Variants in DEF6 observed in about 807,000 individuals in gnomAD.
DEF6 encodes DEF6 guanine nucleotide exchange factor.
Under a neutral mutation model 80.5 loss-of-function variants are expected in DEF6, and 32 were observed. That is an observed-to-expected ratio of 0.40 (90% CI 0.30 to 0.53). DEF6 has a LOEUF of 0.53. Ranked by LOEUF, DEF6 falls within the 20% of genes least tolerant of loss-of-function variation. DEF6 has a pLI of 0.57. For missense variants in DEF6, 575 were observed against 818.7 expected (o/e 0.70, Z 3.63); for synonymous variants, 300 against 337.9 (o/e 0.89, Z 1.23).
Position 35,310,542 on chromosome 6 carries a change from C to G in DEF6, c.321C>G (p.Ser107Arg). 6.2e-7 allele frequency: 1 copy of G among 1,614,142 alleles called. No individual in the cohort carries two copies. The highest frequency in any genetic ancestry group is 8.5e-7 in the Non-Finnish European group (1 of 1,180,030). The change falls in exon 3 of 11, where the codon AGC (serine) becomes AGG (arginine). Residue 107 changes from serine (S) to arginine (R), a missense_variant. Ser to Arg is a moderately radical substitution (Grantham distance 110). Coordinates refer to ENST00000316637, the MANE Select transcript of DEF6 (RefSeq NM_022047.4). ...LTAKKNYRAD[S>R]NGNSMLSNQD... The stretch of plus-strand genomic sequence containing the variant: ...CCAAGAAGAACTATCGGGCAGATAG[C>G]AACGGGAACAGTATGCTCTCCAATC...
rs539923060 is a variant in DEF6, at chr6:35,297,993, C to G, written c.96+41C>G. Reference sequence around the variant, plus strand: ...GACCCGGGGGAGGACGGCAGATGCACCACACCAGCCCCTGCCGCCTGGGAG... The same window carrying G: ...GACCCGGGGGAGGACGGCAGATGCAGCACACCAGCCCCTGCCGCCTGGGAG... On this transcript the variant is annotated intron_variant, in intron 1 of 10. Transcript: ENST00000316637. 6.7e-6 allele frequency: 10 copies of G among 1,501,060 alleles called. No homozygotes were observed. In the East Asian group the frequency reaches 2.4e-4, roughly 36 times the overall value. The allele number at this position is 1,501,060 out of a possible 1,614,324, so 93.0% of individuals were successfully genotyped here.
At position 35,319,509 on chromosome 6, in the gene DEF6, C is replaced by CT; in HGVS notation, c.1216-14dup. 1 of 1,602,174 alleles carries CT rather than the reference C, an allele frequency of 6.2e-7. No homozygotes were observed. On this transcript the variant is annotated splice_polypyrimidine_tract_variant and intron_variant, in intron 7 of 10. Transcript: ENST00000316637. This position sits in a 1 kb window ranked among gnomAD's most constrained non-coding sequence, Gnocchi z 4.5. Reference sequence around the variant, plus strand: ...TTTGACCTGGCTCTTGGTCCACCACCTCCCCCCTCCACAGGCCCGGGCCTC... The same window carrying CT: ...TTTGACCTGGCTCTTGGTCCACCACCTTCCCCCCTCCACAGGCCCGGGCCTC...
intron 3 of DEF6, among the ~76,000 whole-genome samples, chr6:35,311,526 A>G (rs1465191267): frequency 6.6e-6 from 1 of 152,144 alleles, no homozygotes; most frequent in Non-Finnish European, 1.5e-5. Context: ...GAGTGTCCCA[A>G]AAAGCTGCTG....
chr6:35,314,088 C>T (rs577663149), intron 5 of DEF6, among the ~76,000 whole-genome samples: 2 of 152,290 alleles, frequency 1.3e-5, no homozygotes, highest in African/African-American at 4.8e-5. Context: ...CCTTTCTCCA[C>T]GTCTTCTCCA....
chr6:35,319,880 C>G lies in DEF6; in HGVS notation c.1444C>G (p.Arg482Gly). Reference sequence around the variant, plus strand: ...GATGCAGCTGAAGGAGGAGCAGGAGCGCTACATCGAACGGGCGCAGCAGGA... The same window carrying G: ...GATGCAGCTGAAGGAGGAGCAGGAGGGCTACATCGAACGGGCGCAGCAGGA... The part of the protein sequence containing the change: ...QLMQLKEEQE[R>G]YIERAQQEKE... Residue 482 changes from arginine (R) to glycine (G), a missense_variant, in exon 9 of 11, where the codon CGC (arginine) becomes GGC (glycine). Coordinates refer to ENST00000316637, the MANE Select transcript of DEF6 (RefSeq NM_022047.4). This position sits in a 1 kb window ranked among gnomAD's most constrained non-coding sequence, Gnocchi z 4.5. 1 of 1,582,906 alleles carries G rather than the reference C, an allele frequency of 6.3e-7. No individual in the cohort carries two copies. Among genetic ancestry groups the G allele is most frequent in the Non-Finnish European group, 8.6e-7 (1 of 1,164,582 alleles).
intron 1 of DEF6, 118 bp downstream of exon 1, chr6:35,298,070 G>C: frequency 3.2e-6 from 3 of 929,542 alleles, no homozygotes; most frequent in Non-Finnish European, 5.0e-6. Context: ...CCAGCGTCCC[G>C]GGCCTGGGGT....
rs2150388872 is a variant in DEF6 at position 35,318,348 on chromosome 6, G to A, written c.1092G>A (p.Leu364=). The change falls in exon 7 of 11, where the codon CTG becomes CTA. Residue 364 remains leucine (L), a synonymous_variant. Transcript: ENST00000316637. This position sits in a 1 kb window ranked among gnomAD's most constrained non-coding sequence, Gnocchi z 5.1. Reference sequence around the variant, plus strand: ...AGAAGGAGCGGAAGCTGCAGGAGCTGGAGCTGCTGCAGGAGGCGCAGCGGC... The same window carrying A: ...AGAAGGAGCGGAAGCTGCAGGAGCTAGAGCTGCTGCAGGAGGCGCAGCGGC... ...QEEKERKLQE[L]ELLQEAQRQA... is the part of the protein sequence containing the mutation. The A allele has an allele frequency of 1.3e-6, 2 of 1,543,786 alleles. No homozygotes were observed. Among genetic ancestry groups the A allele is most frequent in the Non-Finnish European group, 8.7e-7 (1 of 1,146,438 alleles).
Position 35,318,601 on chromosome 6 carries a change from T to C in DEF6, c.1215+130T>C. The C allele has an allele frequency of 1.1e-6, 1 of 878,846 alleles. No homozygotes were observed. Among genetic ancestry groups the C allele is most frequent in the Non-Finnish European group, 1.5e-6 (1 of 648,628 alleles). 54.4% of individuals were successfully genotyped at this position (878,846 alleles called of 1,614,324 possible). On this transcript the variant is annotated intron_variant, in intron 7 of 10. Transcript: ENST00000316637. The surrounding 1 kb of genome is among the most constrained non-coding windows in gnomAD (Gnocchi z 5.1). ...TGAGGGGCGTGCACTGGGGTGGAGC[T>C]TGAAATGAGGGATTGTTGGGACAGA...
chr6:35,306,823 A>G (rs1457981565), intron 1 of DEF6, among the ~76,000 whole-genome samples: 2 of 152,252 alleles, frequency 1.3e-5, no homozygotes, highest in African/African-American at 2.4e-5. Context: ...TAAGCAGTGC[A>G]CTATGCACCA....
chr6:35,321,375 C>T lies in DEF6; in HGVS notation c.1861C>T (p.Gln621Ter), dbSNP rs144407329. 12 of 1,613,978 alleles carry T rather than the reference C, an allele frequency of 7.4e-6. No homozygotes were observed. In the African/African-American group the frequency reaches 1.6e-4, roughly 22 times the overall value. The change falls in exon 11 of 11, where the codon CAG (glutamine) becomes TAG (stop). Residue 621 changes from glutamine (Q) to a stop codon, truncating the protein, a stop_gained. Coordinates refer to ENST00000316637, the MANE Select transcript of DEF6 (RefSeq NM_022047.4). LOFTEE classifies it high-confidence loss of function. ...GGCTCCTGCCCCGGCTTCCACCCCT[C>T]AGGAAGATAAACTGGATCCAGCACC... ...DEAPAPASTP[Q>*]EDKLDPAPEN is the part of the protein sequence containing the mutation.
intron 5 of DEF6, among the ~76,000 whole-genome samples, chr6:35,316,821 C>T (rs1270051018): frequency 3.9e-5 from 6 of 152,162 alleles, no homozygotes; most frequent in African/African-American, 1.4e-4. Flanking sequence ...ATTTCCAAAA[C>T]TTTTTCATCA....
At chr6:35,314,150 G>A (rs926838269) in intron 5 of DEF6, among the ~76,000 whole-genome samples, 118 of 152,282 alleles carry the variant, frequency 7.7e-4, no homozygotes, top group African/African-American at 2.7e-3. Context: ...GCTCATGCCT[G>A]TAATCCCAGC....
At chr6:35,317,714 T>C in intron 5 of DEF6, 177 bp from the exon 6 acceptor site, 1 of 569,268 alleles carries the variant, frequency 1.8e-6, no homozygotes, top group Non-Finnish European at 3.1e-6. Context: ...GGCTACAGAG[T>C]TGTGGGGACT....
intron 2 of DEF6, among the ~76,000 whole-genome samples, chr6:35,310,226 CTA>C (rs1791445527): frequency 6.6e-6 from 1 of 152,160 alleles, no homozygotes; most frequent in Admixed American, 6.5e-5. Flanking sequence ...GGCTGAAAGA[CTA>C]GAGTTAATCT....
chr6:35,312,642 G>C lies in DEF6; in HGVS notation c.677G>C (p.Arg226Pro). Residue 226 changes from arginine to proline, a missense_variant, in exon 5 of 11, where the codon CGA becomes CCA. Transcript: ENST00000316637. The surrounding 1 kb of genome is among the most constrained non-coding windows in gnomAD (Gnocchi z 6.6). ...DVLKQGYLWKRGHLRRNWAER... is the reference protein window; with the variant it reads ...DVLKQGYLWKPGHLRRNWAER... ...GGCTGGCAGGGCTACCTGTGGAAGC[G>C]AGGGCACCTGAGAAGGAACTGGGCC... 6.2e-7 allele frequency: 1 copy of C among 1,614,176 alleles called. No individual in the cohort carries two copies. The highest frequency in any genetic ancestry group is 8.5e-7 in the Non-Finnish European group (1 of 1,180,020).
rs1407999418 is a variant in DEF6, at chr6:35,312,790, G to A, written c.807+18G>A. 1.9e-6 allele frequency: 3 copies of A among 1,607,622 alleles called. No homozygotes were observed. Among genetic ancestry groups the A allele is most frequent in the Non-Finnish European group, 2.5e-6 (3 of 1,177,118 alleles). On this transcript the variant is annotated intron_variant, in intron 5 of 10. Transcript: ENST00000316637. The surrounding 1 kb of genome is among the most constrained non-coding windows in gnomAD (Gnocchi z 6.6). The stretch of plus-strand genomic sequence containing the variant: ...GCGTGGAGGTGAGGGGCAGGATGGG[G>A]GTGGAGGACATCTCAGGGCCCAGAG...
At chr6:35,309,048 G>T (rs114041592) in intron 1 of DEF6, among the ~76,000 whole-genome samples, 103 of 152,080 alleles carry the variant, frequency 6.8e-4, no homozygotes, top group African/African-American at 2.3e-3. Context: ...ACCCTTCTTT[G>T]AGCCCTCTCC....
Position 35,318,391 on chromosome 6 carries a change from C to CAGG in DEF6, c.1146_1148dup (p.Glu383dup), listed in dbSNP as rs1404632227. 6 of 1,534,534 alleles carry CAGG rather than the reference C, an allele frequency of 3.9e-6. No individual in the cohort carries two copies. Among genetic ancestry groups the CAGG allele is most frequent in the Middle Eastern group, 2.3e-4 (1 of 4,372 alleles). On this transcript the variant is annotated inframe_insertion, in exon 7 of 11. Coordinates refer to ENST00000316637, the MANE Select transcript of DEF6 (RefSeq NM_022047.4). This position sits in a 1 kb window ranked among gnomAD's most constrained non-coding sequence, Gnocchi z 5.1. Reference sequence around the variant, plus strand: ...GCAGCGGCAGGCCGAGCGGCTGCTGCAGGAGGAGGAGGAACGGCGCCGCAG... The same window carrying CAGG: ...GCAGCGGCAGGCCGAGCGGCTGCTGCAGGAGGAGGAGGAGGAACGGCGCCGCAG...
At position 35,319,953 on chromosome 6, in the gene DEF6, A is replaced by G; in HGVS notation, c.1517A>G (p.Gln506Arg). ...ATGGCACAGCAGAGCCGCTCCCTGC[A>G]GCAGGCCCAGCAGCAGCTGGAGGAG... The part of the protein sequence containing the change: ...QEMAQQSRSL[Q>R]QAQQQLEEVR... The change falls in exon 9 of 11, where the codon CAG becomes CGG. Residue 506 changes from glutamine to arginine, a missense_variant. Gln to Arg is a conservative substitution (Grantham distance 43). Coordinates refer to ENST00000316637, the MANE Select transcript of DEF6 (RefSeq NM_022047.4). This position sits in a 1 kb window ranked among gnomAD's most constrained non-coding sequence, Gnocchi z 4.5. 1 of 1,566,238 alleles carries G rather than the reference A, an allele frequency of 6.4e-7. No individual in the cohort carries two copies. Among genetic ancestry groups the G allele is most frequent in the Non-Finnish European group, 8.7e-7 (1 of 1,154,868 alleles).
Sources: gnomAD v4.1 joint callset for allele counts (sites outside exome capture counted in the v4.1 genomes callset) on GRCh38, gnomAD v4.1.1 for gene constraint, Gnocchi (gnomAD v3.1) non-coding constraint, MANE v1.5 for transcripts, NCBI Gene and HGNC (gene_info 2026-07-23, HGNC 2026-07-21) for gene names.